MBNL1: variants seen among roughly 807,000 people sequenced by gnomAD.
The protein encoded by MBNL1 is muscleblind-like protein 1.
Under a neutral mutation model 42.2 loss-of-function variants are expected in MBNL1, and 8 were observed. That is an observed-to-expected ratio of 0.19 (90% CI 0.11 to 0.34). The LOEUF (loss-of-function observed/expected upper bound fraction) is 0.34, where lower values mean the gene tolerates loss of function less well. Ranked by LOEUF, MBNL1 falls within the 10% of genes least tolerant of loss-of-function variation. The probability of loss-of-function intolerance (pLI) is 1.00; values close to 1 mark genes in which losing one functional copy is unlikely to be tolerated. For missense variants in MBNL1, 309 were observed against 495.3 expected (o/e 0.62, Z 3.57); for synonymous variants, 169 against 173.9 (o/e 0.97, Z 0.22).
At chr3:152,458,143 G>A in intron 8 of MBNL1, 1 of 1,613,886 alleles carries the variant, frequency 6.2e-7, no homozygotes, top group Non-Finnish European at 8.5e-7. Context: ...CATCCTTGAT[G>A]CTTCTACACT....
chr3:152,289,618 C>A (rs546268610), intron 1 of MBNL1, among the ~76,000 whole-genome samples: 1 of 151,988 alleles, frequency 6.6e-6, no homozygotes, highest in South Asian at 2.1e-4. Context: ...ACTGATATAT[C>A]TTGTTATGAA....
chr3:152,408,489 A>G (rs993014063), intron 2 of MBNL1, among the ~76,000 whole-genome samples: 3 of 152,164 alleles, frequency 2.0e-5, no homozygotes, highest in Non-Finnish European at 4.4e-5. Context: ...TTGTAACACA[A>G]GCAAAATCTG....
At chr3:152,351,394 T>C (rs2094963231) in intron 2 of MBNL1, among the ~76,000 whole-genome samples, 1 of 152,196 alleles carries the variant, frequency 6.6e-6, no homozygotes, top group Admixed American at 6.5e-5. Context: ...ATAGCAAAAA[T>C]AACTCTAAGC....
intron 6 of MBNL1, 104 bp downstream of exon 6, chr3:152,447,877 G>C: frequency 9.6e-7 from 1 of 1,043,028 alleles, no homozygotes; most frequent in Non-Finnish European, 1.4e-6. Context: ...TTATAGATGA[G>C]GTGTCAGGTA....
chr3:152,443,540 A>G (rs1258456538), intron 4 of MBNL1, among the ~76,000 whole-genome samples: 2 of 146,214 alleles, frequency 1.4e-5, no homozygotes, highest in Non-Finnish European at 3.0e-5. Context: ...TAGGCACATC[A>G]CTCTTCCTGA....
intron 2 of MBNL1, among the ~76,000 whole-genome samples, chr3:152,320,743 A>G (rs2076008134): frequency 7.0e-6 from 1 of 142,486 alleles, no homozygotes; most frequent in African/African-American, 2.6e-5. Context: ...AGTTTTGATT[A>G]GTATTGGTGT....
chr3:152,450,140 AAT>A (rs972658977), intron 6 of MBNL1, among the ~76,000 whole-genome samples: 2 of 151,318 alleles, frequency 1.3e-5, no homozygotes, highest in Non-Finnish European at 2.9e-5. Flanking sequence ...AACAACAACA[AAT>A]ATATATACAC....
intron 2 of MBNL1, among the ~76,000 whole-genome samples, chr3:152,399,249 C>T (rs1288007789): frequency 6.6e-6 from 1 of 152,218 alleles, no homozygotes; most frequent in African/African-American, 2.4e-5. Flanking sequence ...GAGACCACTT[C>T]TGCCTGCCTT....
chr3:152,418,213 G>C (rs1314712023), intron 3 of MBNL1, among the ~76,000 whole-genome samples: 1 of 152,196 alleles, frequency 6.6e-6, no homozygotes, highest in African/African-American at 2.4e-5. Flanking sequence ...TTTAGAGATA[G>C]ACTGAGAAGT....
chr3:152,454,840 A>G (rs540107073), intron 6 of MBNL1, among the ~76,000 whole-genome samples: 1 of 152,346 alleles, frequency 6.6e-6, no homozygotes, highest in African/African-American at 2.4e-5. Flanking sequence ...TTTGATACTT[A>G]TAAGAAATTA....
chr3:152,415,391 GCT>G lies in MBNL1; in HGVS notation c.345+283_345+284del, dbSNP rs1464737732. Among the ~76,000 whole-genome samples the G allele has an allele frequency of 5.9e-5, 9 of 152,124 alleles. No homozygotes were observed. In the East Asian group the frequency reaches 1.7e-3, roughly 29 times the overall value. On this transcript the variant is annotated intron_variant, in intron 3 of 9. Coordinates refer to ENST00000324210, the MANE Select transcript of MBNL1 (RefSeq NM_021038.5). ...TCCCAAGACTGGCAGATGTTAAAAT[GCT>G]CTGTGTTACAATGATCATCTAACTC...
chr3:152,311,001 CTTTTTTTTTTTT>C (rs71144111), intron 2 of MBNL1, among the ~76,000 whole-genome samples: 1 of 77,508 alleles, frequency 1.3e-5, no homozygotes, highest in Non-Finnish European at 2.3e-5. Context: ...AACCATGAGA[CTTTTTTTTTTTT>C]TTTTTTTTTT....
At chr3:152,255,204 TG>T (rs2035280149) in intron 2 of MBNL1, among the ~76,000 whole-genome samples, 2 of 152,114 alleles carry the variant, frequency 1.3e-5, no homozygotes, top group South Asian at 4.1e-4. Flanking sequence ...GGTGTATTGA[TG>T]GTTACAAGGC....
intron 4 of MBNL1, among the ~76,000 whole-genome samples, chr3:152,437,052 T>G (rs1171042137): frequency 2.6e-5 from 4 of 152,228 alleles, no homozygotes; most frequent in African/African-American, 7.2e-5. Flanking sequence ...CGCATGCTAA[T>G]TGCATTACGT....
intron 2 of MBNL1, among the ~76,000 whole-genome samples, chr3:152,405,974 A>C (rs544178196): frequency 6.6e-6 from 1 of 152,204 alleles, no homozygotes; most frequent in Non-Finnish European, 1.5e-5. Flanking sequence ...CAATTTAAAA[A>C]TAATAGAAAC....
At chr3:152,379,467 A>G (rs975517452) in intron 2 of MBNL1, among the ~76,000 whole-genome samples, 1 of 152,136 alleles carries the variant, frequency 6.6e-6, no homozygotes, top group Non-Finnish European at 1.5e-5. Flanking sequence ...GGAAAAATAT[A>G]TTTTCCTTTC....
At chr3:152,382,482 C>T (rs1352322357) in intron 2 of MBNL1, among the ~76,000 whole-genome samples, 1 of 152,030 alleles carries the variant, frequency 6.6e-6, no homozygotes, top group South Asian at 2.1e-4. Context: ...TTCCCTAAAG[C>T]TTCAAGTAAT....
chr3:152,422,154 A>G (rs1283583033), intron 3 of MBNL1, among the ~76,000 whole-genome samples: 1 of 152,072 alleles, frequency 6.6e-6, no homozygotes, highest in African/African-American at 2.4e-5. Flanking sequence ...TAAAGAGTCA[A>G]GACCCATCAG....
rs1461928104 is a variant in MBNL1 at position 152,385,654 on chromosome 3, A to G, written c.175-29287A>G. On this transcript the variant is annotated intron_variant, in intron 2 of 9. Transcript: ENST00000324210. Reference sequence around the variant, plus strand: ...TTTTCATTTTATGCATAATAAATCAAGACACATGCTAATAGACTGATACTT... The same window carrying G: ...TTTTCATTTTATGCATAATAAATCAGGACACATGCTAATAGACTGATACTT... 3.9e-5 allele frequency among the ~76,000 whole-genome samples: 6 copies of G among 152,082 alleles called. No homozygotes were observed. In the South Asian group the frequency reaches 1.2e-3, roughly 31 times the overall value.
Sources: gnomAD v4.1 joint callset for allele counts (sites outside exome capture counted in the v4.1 genomes callset) on GRCh38, gnomAD v4.1.1 for gene constraint, MANE v1.5 for transcripts, NCBI Gene and HGNC (gene_info 2026-07-23, HGNC 2026-07-21) for gene names.